The following RBFOX1 variants were observed in gnomAD, a reference collection of about 807,000 sequenced individuals.
RBFOX1 encodes RNA binding protein fox-1 homolog 1.
RBFOX1 carries 8 observed loss-of-function variants against 57.7 expected under a neutral mutation model. That is an observed-to-expected ratio of 0.14 (90% CI 0.08 to 0.25). The LOEUF is 0.25. RBFOX1 is among the 10% of genes least tolerant of loss of function. The pLI is 1.00. For missense variants in RBFOX1, 611 were observed against 548.5 expected, an observed-to-expected ratio of 1.11 and a Z score of -1.14; for synonymous variants, 326 against 222.4, an observed-to-expected ratio of 1.47 and a Z score of -4.15.
intron 3 of RBFOX1, among the ~76,000 whole-genome samples, chr16:6,950,398 TAC>T (rs1387921161): frequency 6.6e-6 from 1 of 152,110 alleles, no homozygotes; most frequent in Non-Finnish European, 1.5e-5. Flanking sequence ...CACTACCCAC[TAC>T]ACCAGCATGC....
chr16:5,885,407 C>G (rs114377378), intron 4 of RBFOX1, among the ~76,000 whole-genome samples: 4 of 151,668 alleles, frequency 2.6e-5, no homozygotes, highest in African/African-American at 7.3e-5. Context: ...AAGGAAGCTG[C>G]TAGTAAAATA....
intron 3 of RBFOX1, among the ~76,000 whole-genome samples, chr16:5,685,326 ATAGT>A (rs1477399076): frequency 4.6e-5 from 7 of 152,214 alleles, no homozygotes; most frequent in Admixed American, 1.3e-4. Flanking sequence ...GACCTCATAA[ATAGT>A]TAGCCTCCAA....
intron 4 of RBFOX1, among the ~76,000 whole-genome samples, chr16:5,909,078 G>C (rs1260620547): frequency 7.2e-6 from 1 of 138,690 alleles, no homozygotes; most frequent in Non-Finnish European, 1.5e-5. Flanking sequence ...GGCTCCAACA[G>C]ACTAAGCCCC....
chr16:6,305,055 T>A (rs917917637), intron 1 of RBFOX1, among the ~76,000 whole-genome samples: 9 of 152,170 alleles, frequency 5.9e-5, no homozygotes, highest in Admixed American at 1.3e-4. Flanking sequence ...TGTGTGTGTG[T>A]GAGAGCTAAT....
chr16:6,568,987 G>A (rs1201597535), intron 2 of RBFOX1, among the ~76,000 whole-genome samples: 1 of 152,012 alleles, frequency 6.6e-6, no homozygotes, highest in Non-Finnish European at 1.5e-5. Context: ...TGGCCAGGCT[G>A]GTCTCAAACT....
chr16:6,827,997 T>G (rs150038460), intron 3 of RBFOX1, among the ~76,000 whole-genome samples: 1 of 152,316 alleles, frequency 6.6e-6, no homozygotes, highest in East Asian at 1.9e-4. Flanking sequence ...TGCTTTTTGC[T>G]CATCAATTTT....
At position 6,864,417 on chromosome 16, in the gene RBFOX1, A is replaced by C. The variant is rs1280137792; in HGVS notation, c.-15-187640A>C. Among the ~76,000 whole-genome samples the C allele has an allele frequency of 2.0e-5, 3 of 152,310 alleles. No individual in the cohort carries two copies. The East Asian group carries it at 5.8e-4, about 29-fold the overall frequency. ...CTTTTGCAGGCACAGAAATTTTGTG[A>C]AATCACCAACAATTCAGAAAAGAAA... On this transcript the variant is annotated intron_variant, in intron 3 of 15. Coordinates refer to ENST00000550418, the MANE Select transcript of RBFOX1 (RefSeq NM_018723.4).
chr16:6,648,141 C>T (rs565812813), intron 2 of RBFOX1, among the ~76,000 whole-genome samples: 35 of 152,254 alleles, frequency 2.3e-4, no homozygotes, highest in Admixed American at 4.6e-4. Flanking sequence ...CTGCACCCGG[C>T]TTCAAGTGAT....
chr16:5,462,168 C>CTTT lies in RBFOX1; in HGVS notation c.220-5032_220-5030dup, dbSNP rs1250754827. On this transcript the variant is annotated intron_variant, in intron 1 of 2. Transcript: ENST00000585867. Reference sequence around the variant, plus strand: ...ACCCAGCGAGTTTCTTTCTTTCTTTCTTTTTTTTTTTTTTTTTTGAGATGG... The same window carrying CTTT: ...ACCCAGCGAGTTTCTTTCTTTCTTTCTTTTTTTTTTTTTTTTTTTTTGAGATGG... 2.6e-3 allele frequency among the ~76,000 whole-genome samples: 106 copies of CTTT among 40,704 alleles called. 1 individual carries two copies. The highest frequency in any genetic ancestry group is 6.5e-3 in the African/African-American group (103 of 15,968). The allele number at this position is 40,704 out of a possible 152,430, so 26.7% of individuals were successfully genotyped here. A position where few individuals can be genotyped will look rare whatever the true frequency, so the allele number is the denominator to read the frequency against.
At chr16:6,456,259 T>C (rs913352374) in intron 2 of RBFOX1, among the ~76,000 whole-genome samples, 1 of 152,068 alleles carries the variant, frequency 6.6e-6, no homozygotes, top group African/African-American at 2.4e-5. Context: ...AGAACATGGA[T>C]TAGTGTGTGT....
In RBFOX1 at chr16:7,616,869, C is replaced by G. The variant is rs372747835; in HGVS notation, c.676+9531C>G. On this transcript the variant is annotated intron_variant, in intron 10 of 15. Transcript: ENST00000550418. ...TATCAGGCAGATAATATTCTAAGGC[C>G]TGATATTTTATCTCCCAGGAGCTGG... 3.3e-5 allele frequency among the ~76,000 whole-genome samples: 5 copies of G among 152,032 alleles called. No individual in the cohort carries two copies. The South Asian group carries it at 6.2e-4, about 19-fold the overall frequency.
intron 4 of RBFOX1, among the ~76,000 whole-genome samples, chr16:7,175,989 T>C (rs1044799511): frequency 1.1e-4 from 16 of 151,960 alleles, no homozygotes; most frequent in Non-Finnish European, 2.4e-4. Context: ...ATCTGGGAGG[T>C]GCGTGCTTAG....
chr16:6,167,735 C>T (rs1409050400), intron 1 of RBFOX1, among the ~76,000 whole-genome samples: 1 of 152,136 alleles, frequency 6.6e-6, no homozygotes, highest in African/African-American at 2.4e-5. Flanking sequence ...AGGTCAGCCT[C>T]ATCATTCTTG....
At chr16:7,091,229 C>T (rs377000724) in intron 4 of RBFOX1, among the ~76,000 whole-genome samples, 1 of 151,126 alleles carries the variant, frequency 6.6e-6, no homozygotes, top group Non-Finnish European at 1.5e-5. Context: ...TCTGTTTTTA[C>T]TTTAAGTTAA....
intron 1 of RBFOX1, among the ~76,000 whole-genome samples, chr16:5,320,110 A>G (rs1391540223): frequency 6.6e-6 from 1 of 152,196 alleles, no homozygotes. Flanking sequence ...ATAGGTGTGC[A>G]CAGGTCCAAT....
chr16:7,161,149 C>T (rs1206298526), intron 4 of RBFOX1, among the ~76,000 whole-genome samples: 3 of 151,948 alleles, frequency 2.0e-5, no homozygotes, highest in African/African-American at 7.3e-5. Flanking sequence ...AATTTTATAC[C>T]ACTTTCTATC....
At chr16:6,538,676 G>T (rs1490143627) in intron 2 of RBFOX1, among the ~76,000 whole-genome samples, 1 of 152,216 alleles carries the variant, frequency 6.6e-6, no homozygotes, top group African/African-American at 2.4e-5. Context: ...GTAGAAAACG[G>T]TTTGGGAGTT....
chr16:7,203,771 C>G (rs778710383), intron 4 of RBFOX1, among the ~76,000 whole-genome samples: 2 of 152,130 alleles, frequency 1.3e-5, no homozygotes, highest in African/African-American at 4.8e-5. Flanking sequence ...TCGAAATCTC[C>G]TCATAACCCA....
intron 2 of RBFOX1, among the ~76,000 whole-genome samples, chr16:6,592,549 G>C (rs139642342): frequency 6.6e-6 from 1 of 152,316 alleles, no homozygotes; most frequent in East Asian, 1.9e-4. Flanking sequence ...AGACTTTGGA[G>C]TCAGATTACA....
Sources: allele counts gnomAD v4.1 joint callset (sites outside exome capture counted in the v4.1 genomes callset), GRCh38; gene constraint gnomAD v4.1.1; transcripts MANE v1.5; gene names NCBI Gene and HGNC (gene_info 2026-07-23, HGNC 2026-07-21).